The following PGAM1 variants were observed in gnomAD, a reference collection of about 807,000 sequenced individuals.
PGAM1 encodes the protein BPG-dependent PGAM 1.
A neutral mutation model predicts 23.5 loss-of-function variants in PGAM1; 21 were observed. The observed-to-expected ratio is 0.89, with a 90% CI of 0.63 to 1.29. PGAM1 has a LOEUF of 1.29. Among genes scored for constraint, PGAM1 ranks in the 50% most tolerant of loss-of-function variants. The pLI is 0.00. For synonymous variants in PGAM1, 109 were observed against 128.6 expected (o/e 0.85, Z 1.03); for missense variants, 232 against 336.3 (o/e 0.69, Z 2.42).
At position 97,426,237 on chromosome 10, in the gene PGAM1, C is replaced by G; in HGVS notation, c.-71C>G. ...ACTGAGCGGTGCGAGCGCGCAGGCGCGGCCGACGGGGCGGGCTGCTACTCC... is the reference window on the plus strand; with the variant it reads ...ACTGAGCGGTGCGAGCGCGCAGGCGGGGCCGACGGGGCGGGCTGCTACTCC... On this transcript the variant is annotated 5_prime_UTR_variant, in exon 1 of 4. Transcript: ENST00000334828. 1 of 1,605,458 alleles carries G rather than the reference C, an allele frequency of 6.2e-7. No individual in the cohort carries two copies. Among genetic ancestry groups the G allele is most frequent in the South Asian group, 1.1e-5 (1 of 90,646 alleles).
At chr10:97,431,303 A>G (rs1247095760) in intron 3 of PGAM1, among the ~76,000 whole-genome samples, 168 bp downstream of exon 3, 1 of 152,182 alleles carries the variant, frequency 6.6e-6, no homozygotes, top group Non-Finnish European at 1.5e-5. Flanking sequence ...TGTTTCTCAA[A>G]ATGTGATCTG....
intron 3 of PGAM1, among the ~76,000 whole-genome samples, chr10:97,431,885 C>T (rs553722775): frequency 7.4e-6 from 1 of 135,700 alleles, no homozygotes; most frequent in Non-Finnish European, 1.7e-5. Context: ...AAGACCTTGT[C>T]TCTTAAAAAA....
intron 2 of PGAM1, 119 bp downstream of exon 2, chr10:97,430,772 C>A: frequency 6.7e-7 from 1 of 1,503,278 alleles, no homozygotes; most frequent in African/African-American, 1.4e-5. Flanking sequence ...CCTTCCTTCT[C>A]CAGTGAATGA....
At chr10:97,427,727 C>T in intron 1 of PGAM1, 2 of 1,258,440 alleles carry the variant, frequency 1.6e-6, no homozygotes, top group African/African-American at 1.5e-5. Context: ...GCCGGCACGG[C>T]CAAGAATCCC....
At chr10:97,431,225 G>C (rs1845468383) in intron 3 of PGAM1, 90 bp downstream of exon 3, 2 of 1,452,162 alleles carry the variant, frequency 1.4e-6, no homozygotes, top group South Asian at 1.2e-5. Flanking sequence ...TCTAGGGAAG[G>C]GCTGGACATG....
Position 97,430,490 on chromosome 10 carries a change from C to T in PGAM1, c.251C>T (p.Thr84Ile). ...CAGATGTGGCTGCCAGTGGTGAGGACTTGGCGCCTCAATGAGCGGCACTAT... is the reference window on the plus strand; with the variant it reads ...CAGATGTGGCTGCCAGTGGTGAGGATTTGGCGCCTCAATGAGCGGCACTAT... Reference protein sequence around the residue: ...IDQMWLPVVRTWRLNERHYGG... With the variant: ...IDQMWLPVVRIWRLNERHYGG... Residue 84 changes from threonine to isoleucine, a missense_variant, in exon 2 of 4, where the codon ACT becomes ATT. Thr to Ile is a moderately conservative substitution (Grantham distance 89). Around this residue, in one of 3 missense-constraint regions of PGAM1, gnomAD observed 191 missense variants for 241.7 expected, o/e 0.79. Transcript: ENST00000334828. The T allele has an allele frequency of 6.2e-7, 1 of 1,602,712 alleles. No homozygotes were observed. Among genetic ancestry groups the T allele is most frequent in the Non-Finnish European group, 8.5e-7 (1 of 1,179,540 alleles).
At position 97,430,496 on chromosome 10, in the gene PGAM1, G is replaced by A. The variant is rs755093257; in HGVS notation, c.257G>A (p.Arg86His). ...TGGCTGCCAGTGGTGAGGACTTGGC[G>A]CCTCAATGAGCGGCACTATGGGGGT... ...QMWLPVVRTW[R>H]LNERHYGGLT... is the part of the protein sequence containing the mutation. The change falls in exon 2 of 4, where the codon CGC becomes CAC. Residue 86 changes from arginine to histidine, a missense_variant. Arg to His is a conservative substitution (Grantham distance 29). Around this residue, in one of 3 missense-constraint regions of PGAM1, gnomAD observed 191 missense variants for 241.7 expected, o/e 0.79. Transcript: ENST00000334828. 2.5e-5 allele frequency: 40 copies of A among 1,601,592 alleles called. 1 individual carries two copies. The highest frequency in any genetic ancestry group is 4.2e-4 in the Middle Eastern group (2 of 4,796).
In PGAM1 at chr10:97,426,902, C is replaced by T. The variant is rs551207384; in HGVS notation, c.139+456C>T. Among the ~76,000 whole-genome samples the T allele has an allele frequency of 1.6e-4, 25 of 152,296 alleles. No homozygotes were observed. The East Asian group carries it at 4.6e-3, about 28-fold the overall frequency. On this transcript the variant is annotated intron_variant, in intron 1 of 3. Transcript: ENST00000334828. ...ATACAAAATTAGCCGGCCGTGGTGG[C>T]GCACGCCTGTAATCCCAGCTACTCG...
At chr10:97,430,744 A>C in intron 2 of PGAM1, 91 bp downstream of exon 2, 1 of 1,572,434 alleles carries the variant, frequency 6.4e-7, no homozygotes, top group Non-Finnish European at 8.7e-7. Flanking sequence ...AATTCATGAT[A>C]AAATAGTTAA....
chr10:97,428,567 T>A (rs1258155094), intron 1 of PGAM1, among the ~76,000 whole-genome samples: 2 of 152,210 alleles, frequency 1.3e-5, no homozygotes, highest in African/African-American at 4.8e-5. Context: ...GAGGACCTAT[T>A]TATGTGTCCA....
At chr10:97,431,508 A>G (rs1388413325) in intron 3 of PGAM1, among the ~76,000 whole-genome samples, 2 of 152,226 alleles carry the variant, frequency 1.3e-5, no homozygotes, top group Non-Finnish European at 2.9e-5. Context: ...TGCCAAGCAC[A>G]GTGGCTCATG....
rs1186465815 is a variant in PGAM1, at chr10:97,431,912, A to AAT, written c.596-435_596-434dup. 2.4e-4 allele frequency among the ~76,000 whole-genome samples: 36 copies of AAT among 152,038 alleles called. No homozygotes were observed. In the East Asian group the frequency reaches 4.3e-3, roughly 18 times the overall value. ...CTTAAAAAAAAAAAAAAGGAAAACA[A>AAT]ATATATATAAAAGAAAAAATTCTCC... On this transcript the variant is annotated intron_variant, in intron 3 of 3. Transcript: ENST00000334828.
At chr10:97,427,257 A>C in intron 1 of PGAM1, 10 of 985,932 alleles carry the variant, frequency 1.0e-5, no homozygotes, top group Non-Finnish European at 1.2e-5. Context: ...CCCCAGCAGT[A>C]GGTGGAGGCC....
At chr10:97,427,995 C>A in intron 1 of PGAM1, 1 of 1,202,448 alleles carries the variant, frequency 8.3e-7, no homozygotes, top group Non-Finnish European at 1.1e-6. Context: ...CTGGTGTGAC[C>A]TCATCTTTTA....
At chr10:97,430,065 AAAG>A (rs1259378982) in intron 1 of PGAM1, among the ~76,000 whole-genome samples, 4 of 151,834 alleles carry the variant, frequency 2.6e-5, no homozygotes, top group Admixed American at 6.6e-5. Flanking sequence ...AAAAAAAAGA[AAAG>A]AAAAAGTGAC....
At chr10:97,427,537 T>C in intron 1 of PGAM1, 1 of 1,097,550 alleles carries the variant, frequency 9.1e-7, no homozygotes, top group South Asian at 2.3e-5. Flanking sequence ...CCTAGTCCAG[T>C]GTCCTCGCCC....
At chr10:97,431,260 A>AT in intron 3 of PGAM1, 125 bp downstream of exon 3, 5 of 1,149,238 alleles carry the variant, frequency 4.4e-6, no homozygotes, top group South Asian at 1.3e-5. Flanking sequence ...GATGGTCTAG[A>AT]TTGACTTCTA....
At chr10:97,430,913 T>C (rs1240745759) in intron 2 of PGAM1, 42 bp from the exon 3 acceptor site, 2 of 1,610,982 alleles carry the variant, frequency 1.2e-6, no homozygotes, top group African/African-American at 1.3e-5. Flanking sequence ...TTAACAGATG[T>C]AACTCTTAAT....
chr10:97,430,693 A>G, intron 2 of PGAM1, 40 bp downstream of exon 2: 4 of 1,601,874 alleles, frequency 2.5e-6, no homozygotes, highest in South Asian at 1.1e-5. Flanking sequence ...GCCCAGGATC[A>G]GGGGCTTTTA....
Sources: gnomAD v4.1 joint callset for allele counts (sites outside exome capture counted in the v4.1 genomes callset) on GRCh38, gnomAD v4.1.1 for gene constraint, gnomAD v4.1.1 regional missense constraint, MANE v1.5 for transcripts, NCBI Gene and HGNC (gene_info 2026-07-23, HGNC 2026-07-21) for gene names.